The following TRDN variants were observed in gnomAD, a reference collection of about 807,000 sequenced individuals.
TRDN encodes the protein triadin.
In TRDN, 161 loss-of-function variants were observed where a neutral mutation model predicts 149.7. The ratio of observed to expected loss-of-function variants is 1.08; its 90% CI spans 0.95 to 1.23. TRDN has a LOEUF of 1.23. Ranked by LOEUF, TRDN falls within the 50% of genes most tolerant of loss-of-function variation. The pLI, the probability that TRDN is intolerant of heterozygous loss-of-function variation, is 0.00. For missense variants in TRDN, 896 were observed against 823.5 expected, an observed-to-expected ratio of 1.09 and a Z score of -1.08; for synonymous variants, 294 against 250.5, an observed-to-expected ratio of 1.17 and a Z score of -1.64.
chr6:123,507,690 G>T (rs1041875672), intron 7 of TRDN, among the ~76,000 whole-genome samples: 2 of 151,960 alleles, frequency 1.3e-5, no homozygotes, highest in African/African-American at 4.8e-5. Context: ...ATTGCCATGG[G>T]TATTCAAATC....
rs1408934009 is a variant in TRDN at position 123,530,496 on chromosome 6, A to G, written c.484+10T>C. 1.6e-6 allele frequency: 2 copies of G among 1,228,480 alleles called. No individual in the cohort carries two copies. The highest frequency in any genetic ancestry group is 2.2e-6 in the Non-Finnish European group (2 of 920,042). 76.1% of individuals were successfully genotyped at this position (1,228,480 alleles called of 1,614,324 possible). ...CTAAATGAAGAATAAACATAAAATG[A>G]AATGTTTACCTTTAGTTTGTATTTT... On this transcript the variant is annotated intron_variant, in intron 5 of 40. Coordinates refer to ENST00000334268, the MANE Select transcript of TRDN (RefSeq NM_006073.4).
chr6:123,455,936 T>G (rs1019169043), intron 10 of TRDN, among the ~76,000 whole-genome samples: 1 of 152,198 alleles, frequency 6.6e-6, no homozygotes, highest in Admixed American at 6.5e-5. Flanking sequence ...ATGTCAAGGA[T>G]GCCTAGAAAC....
intron 1 of TRDN, among the ~76,000 whole-genome samples, chr6:123,581,878 C>T (rs1336640372): frequency 6.6e-6 from 1 of 152,148 alleles, no homozygotes; most frequent in Non-Finnish European, 1.5e-5. Flanking sequence ...TTTTAAATTT[C>T]CAAGTGGCAA....
chr6:123,265,902 A>T (rs1776935766), intron 32 of TRDN, among the ~76,000 whole-genome samples: 1 of 147,248 alleles, frequency 6.8e-6, no homozygotes, highest in South Asian at 2.1e-4. Flanking sequence ...TGTCTTCTAA[A>T]ATATATTAAC....
At chr6:123,498,775 T>G in intron 8 of TRDN, 1 of 355,252 alleles carries the variant, frequency 2.8e-6, no homozygotes, top group Non-Finnish European at 5.7e-6. Context: ...AAAAAGTACA[T>G]TTCCCTTAAA....
At chr6:123,269,503 A>G (rs1305779403) in intron 31 of TRDN, among the ~76,000 whole-genome samples, 1 of 151,938 alleles carries the variant, frequency 6.6e-6, no homozygotes, top group Non-Finnish European at 1.5e-5. Context: ...TGTGAGTGGT[A>G]TTTTATAGCC....
chr6:123,396,504 T>C (rs528829445), intron 12 of TRDN, among the ~76,000 whole-genome samples: 1 of 152,296 alleles, frequency 6.6e-6, no homozygotes, highest in South Asian at 2.1e-4. Context: ...TTATAGTAAT[T>C]CTGAAATTGA....
chr6:123,247,639 G>A (rs1776231880), intron 38 of TRDN, among the ~76,000 whole-genome samples: 1 of 152,038 alleles, frequency 6.6e-6, no homozygotes, highest in African/African-American at 2.4e-5. Context: ...GATTATGGAG[G>A]GGAAGAATCA....
intron 40 of TRDN, among the ~76,000 whole-genome samples, chr6:123,220,048 G>T (rs1173529456): frequency 2.0e-5 from 3 of 151,852 alleles, no homozygotes; most frequent in Non-Finnish European, 2.9e-5. Context: ...TGAATATCAG[G>T]CTATAGAACT....
chr6:123,413,543 T>C (rs1773528403), intron 12 of TRDN, among the ~76,000 whole-genome samples: 2 of 152,170 alleles, frequency 1.3e-5, no homozygotes, highest in South Asian at 2.1e-4. Context: ...GCTTTGGTTC[T>C]TTATAGTGAG....
At chr6:123,316,948 G>GT (rs1282152770) in intron 23 of TRDN, among the ~76,000 whole-genome samples, 8 of 151,468 alleles carry the variant, frequency 5.3e-5, no homozygotes, top group African/African-American at 1.9e-4. Flanking sequence ...TATAATTATT[G>GT]TTTTCCTAGT....
intron 1 of TRDN, among the ~76,000 whole-genome samples, chr6:123,598,815 A>G (rs1321878): frequency 0.44 from 67,227 of 151,948 alleles, 17,540 homozygotes; most frequent in Admixed American, 0.6. Context: ...TAATCTAGAA[A>G]AGTAACTGAC....
chr6:123,377,780 A>C, intron 17 of TRDN, 38 bp from the exon 18 acceptor site: 1 of 1,611,786 alleles, frequency 6.2e-7, no homozygotes, highest in Non-Finnish European at 8.5e-7. Context: ...TCAGCATTCT[A>C]TGTCATTCAA....
chr6:123,419,608 T>TCTCA (rs1773809674), intron 12 of TRDN, among the ~76,000 whole-genome samples: 1 of 152,056 alleles, frequency 6.6e-6, no homozygotes, highest in African/African-American at 2.4e-5. Flanking sequence ...AAACTCCTAG[T>TCTCA]CTCAAGTGAT....
At chr6:123,507,618 T>A (rs145016741) in intron 7 of TRDN, among the ~76,000 whole-genome samples, 258 of 152,248 alleles carry the variant, frequency 1.7e-3, no homozygotes, top group Non-Finnish European at 2.9e-3. Flanking sequence ...ATATTTTTCC[T>A]GATTTTTCCC....
Position 123,320,750 on chromosome 6 carries a change from T to A in TRDN, c.1472-4255A>T, listed in dbSNP as rs112720528. The stretch of plus-strand genomic sequence containing the variant: ...TTATAAGTGGTCTGTCTATATTATC[T>A]ATGTTGTATTATCTACACAAACTAC... On this transcript the variant is annotated intron_variant, in intron 23 of 40. Coordinates refer to ENST00000334268, the MANE Select transcript of TRDN (RefSeq NM_006073.4). 6.3e-3 allele frequency among the ~76,000 whole-genome samples: 957 copies of A among 152,190 alleles called. 6 individuals are homozygous for A. Among genetic ancestry groups the A allele is most frequent in the Non-Finnish European group, 9.2e-3 (623 of 67,996 alleles).
chr6:123,502,086 A>G, intron 8 of TRDN: 1 of 984,448 alleles, frequency 1.0e-6, no homozygotes, highest in Non-Finnish European at 1.2e-6. Context: ...ATGGTTAAAA[A>G]TTAGAATGTA....
intron 20 of TRDN, among the ~76,000 whole-genome samples, chr6:123,360,969 C>A (rs1203171815): frequency 1.3e-5 from 2 of 152,080 alleles, no homozygotes; most frequent in Non-Finnish European, 2.9e-5. Flanking sequence ...TTTTCTTTAT[C>A]CAGTCTATCA....
At chr6:123,519,134 A>T (rs1779549370) in intron 5 of TRDN, among the ~76,000 whole-genome samples, 2 of 152,142 alleles carry the variant, frequency 1.3e-5, no homozygotes, top group Non-Finnish European at 2.9e-5. Context: ...CACCTGCTAG[A>T]GTTTAATTTG....
Sources: allele counts gnomAD v4.1 joint callset (sites outside exome capture counted in the v4.1 genomes callset), GRCh38; gene constraint gnomAD v4.1.1; transcripts MANE v1.5; gene names NCBI Gene and HGNC (gene_info 2026-07-23, HGNC 2026-07-21).